The following CAPS2 variants were observed in gnomAD, a reference collection of about 807,000 sequenced individuals.
The protein encoded by CAPS2 is calcyphosine 2, also known as calcyphosin-2.
In CAPS2, 98 loss-of-function variants were observed where a neutral mutation model predicts 86.5. The observed-to-expected ratio is 1.13, with a 90% CI of 0.96 to 1.34. The LOEUF is 1.34. Among genes scored for constraint, CAPS2 ranks in the 40% most tolerant of loss-of-function variants. CAPS2 has a pLI of 0.00. For synonymous variants in CAPS2, 210 were observed against 225.1 expected (o/e 0.93, Z 0.60); for missense variants, 729 against 686.8 (o/e 1.06, Z -0.69).
exon 17 of CAPS2, chr12:75,277,981 C>G: frequency 2.3e-6 from 2 of 887,158 alleles, no homozygotes; most frequent in Non-Finnish European, 2.7e-6. Flanking sequence ...ATCATACATT[C>G]ATTTTAGGAT....
At chr12:75,386,438 G>C (rs1378736247) in intron 1 of CAPS2, among the ~76,000 whole-genome samples, 2 of 152,182 alleles carry the variant, frequency 1.3e-5, no homozygotes, top group Non-Finnish European at 2.9e-5. Context: ...GGAGTTCACA[G>C]AGGAAGAGAG....
In CAPS2 at chr12:75,298,790, A is replaced by G; in HGVS notation, c.951-10T>C. ...AGGAAGCACATTTGTTCTAGAAAGT[A>G]AATGAAAAAAAAATGGAAAGTTATT... On this transcript the variant is annotated splice_polypyrimidine_tract_variant and intron_variant, in intron 10 of 16. Coordinates refer to ENST00000393284, the Ensembl canonical transcript of CAPS2. 1.2e-6 allele frequency: 2 copies of G among 1,610,100 alleles called. No homozygotes were observed. The highest frequency in any genetic ancestry group is 1.7e-6 in the Non-Finnish European group (2 of 1,176,544).
intron 1 of CAPS2, chr12:75,347,648 C>T (rs1381563455): frequency 5.6e-6 from 9 of 1,608,302 alleles, no homozygotes; most frequent in South Asian, 3.3e-5. Context: ...CATTTTATGT[C>T]GGTTGTGCAG....
At chr12:75,284,938 G>T in intron 15 of CAPS2, 23 bp downstream of exon 15, 1 of 1,570,424 alleles carries the variant, frequency 6.4e-7, no homozygotes. Context: ...ATAACAATTT[G>T]AAAGATTACT....
chr12:75,340,888 A>G (rs925521158), intron 1 of CAPS2, among the ~76,000 whole-genome samples: 2 of 152,180 alleles, frequency 1.3e-5, no homozygotes, highest in Non-Finnish European at 2.9e-5. Context: ...ATATCACGAC[A>G]CACCAATTAG....
At chr12:75,345,253 TA>T (rs2042372628) in intron 1 of CAPS2, among the ~76,000 whole-genome samples, 1 of 152,128 alleles carries the variant, frequency 6.6e-6, no homozygotes. Context: ...AGGACAATTA[TA>T]CAGTTTCTAT....
exon 17 of CAPS2, chr12:75,277,833 C>G (rs1312486663): frequency 4.4e-6 from 4 of 903,140 alleles, no homozygotes; most frequent in Middle Eastern, 5.6e-4. Flanking sequence ...AAAGTTGTCT[C>G]TTTTCTCTGT....
Position 75,289,601 on chromosome 12 carries a change from G to C in CAPS2, c.1395+20C>G, listed in dbSNP as rs755815175. Reference sequence around the variant, plus strand: ...AGAATAACATATTATCTGCTGCAGAGAATTTTCTGTAGCACATACCTTTTC... The same window carrying C: ...AGAATAACATATTATCTGCTGCAGACAATTTTCTGTAGCACATACCTTTTC... On this transcript the variant is annotated intron_variant, in intron 14 of 16. Coordinates refer to ENST00000393284, the Ensembl canonical transcript of CAPS2. The C allele has an allele frequency of 3.8e-6, 6 of 1,587,450 alleles. No homozygotes were observed. In the African/African-American group the frequency reaches 5.4e-5, roughly 14 times the overall value.
chr12:75,323,211 A>T, exon 3 of CAPS2: 1 of 1,544,620 alleles, frequency 6.5e-7, no homozygotes, highest in Non-Finnish European at 8.7e-7. Context: ...TCCCAAATCA[A>T]GTCGTGGGAC....
chr12:75,323,084 T>C (rs1482104527), exon 4 of CAPS2: 3 of 1,542,474 alleles, frequency 1.9e-6, no homozygotes, highest in African/African-American at 1.4e-5. Context: ...TATGAAAAAT[T>C]GTCCTAAAAA....
chr12:75,309,910 T>G (rs1401222303), intron 7 of CAPS2, among the ~76,000 whole-genome samples: 1 of 152,242 alleles, frequency 6.6e-6, no homozygotes, highest in Non-Finnish European at 1.5e-5. Flanking sequence ...GAAATCTTAA[T>G]GTTAATTTGG....
At chr12:75,276,152 C>A, downstream of CAPS2, 1 of 1,495,280 alleles carries the variant, frequency 6.7e-7, no homozygotes, top group South Asian at 1.3e-5. Context: ...TCTTCTCTTG[C>A]TTGGCTTATT....
rs748950899 is a variant in CAPS2 at position 75,325,301 on chromosome 12, A to G, written c.82-13T>C. 1.0e-5 allele frequency: 16 copies of G among 1,536,292 alleles called. No homozygotes were observed. The South Asian group carries it at 1.2e-4, about 12-fold the overall frequency. The stretch of plus-strand genomic sequence containing the variant: ...AAGTCCACCTTTGCTTTAATTAAAA[A>G]AAAAACTTTTTGAATCAGTATAAAT... On this transcript the variant is annotated splice_polypyrimidine_tract_variant and intron_variant, in intron 1 of 16. Transcript: ENST00000393284.
At chr12:75,368,611 T>A (rs1566016330) in intron 1 of CAPS2, among the ~76,000 whole-genome samples, 1 of 151,828 alleles carries the variant, frequency 6.6e-6, no homozygotes, top group African/African-American at 2.4e-5. Flanking sequence ...ATTTACAAAT[T>A]TTTGCATTTA....
upstream of CAPS2, among the ~76,000 whole-genome samples, chr12:75,328,693 A>G (rs539297884): frequency 1.3e-5 from 2 of 152,342 alleles, no homozygotes; most frequent in South Asian, 4.1e-4. Flanking sequence ...CTTCAATTAG[A>G]TAAGATGTTT....
chr12:75,287,057 TACAC>T (rs998253344), intron 14 of CAPS2, among the ~76,000 whole-genome samples: 4 of 150,850 alleles, frequency 2.7e-5, no homozygotes, highest in Non-Finnish European at 5.9e-5. Context: ...TATAAACACA[TACAC>T]ACGCAAGCAC....
intron 11 of CAPS2, among the ~76,000 whole-genome samples, chr12:75,297,114 C>A (rs2037040094): frequency 1.3e-5 from 2 of 148,548 alleles, no homozygotes; most frequent in African/African-American, 2.5e-5. Flanking sequence ...TCCTTTCTTT[C>A]TTGGAAATCA....
At chr12:75,306,101 G>A in intron 7 of CAPS2, 1 of 1,367,882 alleles carries the variant, frequency 7.3e-7, no homozygotes, top group South Asian at 1.2e-5. Context: ...CCTGGAAGAA[G>A]CACTCCACCT....
chr12:75,326,327 T>C (rs558259479), intron 1 of CAPS2, 91 bp downstream of exon 2: 1 of 504,550 alleles, frequency 2.0e-6, no homozygotes, highest in Non-Finnish European at 3.6e-6. Context: ...TAAATATCTG[T>C]GAATATAAGT....
Sources: allele counts gnomAD v4.1 joint callset (sites outside exome capture counted in the v4.1 genomes callset), GRCh38; gene constraint gnomAD v4.1.1; transcripts MANE v1.5; gene names NCBI Gene and HGNC (gene_info 2026-07-23, HGNC 2026-07-21).